The following MLLT1 variants were observed in gnomAD, a reference collection of about 807,000 sequenced individuals.
The protein encoded by MLLT1 is protein ENL.
A neutral mutation model predicts 55.1 loss-of-function variants in MLLT1; 11 were observed. That is an observed-to-expected ratio of 0.20 (90% CI 0.13 to 0.33). The LOEUF is 0.33. MLLT1 is among the 10% of genes least tolerant of loss of function. MLLT1 has a pLI of 1.00. For synonymous variants in MLLT1, 323 were observed against 320.1 expected (o/e 1.01, Z -0.10); for missense variants, 536 against 760.6 (o/e 0.70, Z 3.47).
chr19:6,230,879 C>T lies in MLLT1; in HGVS notation c.277-166G>A, dbSNP rs1362773693. 6.6e-6 allele frequency among the ~76,000 whole-genome samples: 1 copy of T among 152,156 alleles called. No homozygotes were observed. Among genetic ancestry groups the T allele is most frequent in the East Asian group, 1.9e-4 (1 of 5,184 alleles). On this transcript the variant is annotated intron_variant, in intron 3 of 11. Transcript: ENST00000252674. The surrounding 1 kb of genome is among the most constrained non-coding windows in gnomAD (Gnocchi z 9.0). ...GGGCACCTCCTGCCCTGCCCTTATT[C>T]AAAATCGACCAGCTTACTATGTGCA...
At chr19:6,221,742 G>A (rs960550576) in intron 6 of MLLT1, among the ~76,000 whole-genome samples, 21 of 152,206 alleles carry the variant, frequency 1.4e-4, no homozygotes, top group Non-Finnish European at 2.4e-4. Flanking sequence ...GGCTGACCAC[G>A]CCATGGTCAG....
chr19:6,225,382 C>T (rs2090945637), intron 5 of MLLT1, among the ~76,000 whole-genome samples: 1 of 152,198 alleles, frequency 6.6e-6, no homozygotes, highest in Non-Finnish European at 1.5e-5. Context: ...GAGCACATGG[C>T]CCGGCCACTC....
Position 6,213,060 on chromosome 19 carries a change from C to T in MLLT1, c.1662G>A (p.Leu554=). The change falls in exon 12 of 12, where the codon CTG becomes CTA. Residue 554 remains leucine, a synonymous_variant. Transcript: ENST00000252674. ...CCCAGGGTCATGTGGCCACGGCCTC[C>T]AGGCAGCTCTGCAGTTTGCGCACGG... ...ETTVRKLQSC[L]EAVAT 1 of 1,613,782 alleles carries T rather than the reference C, an allele frequency of 6.2e-7. No individual in the cohort carries two copies. The highest frequency in any genetic ancestry group is 8.5e-7 in the Non-Finnish European group (1 of 1,179,782).
chr19:6,214,116 C>T lies in MLLT1; in HGVS notation c.1308-78G>A, dbSNP rs1209118359. On this transcript the variant is annotated intron_variant, in intron 8 of 11. Coordinates refer to ENST00000252674, the MANE Select transcript of MLLT1 (RefSeq NM_005934.4). ...CCCCACCCCCAGGCTCAAGCCTCTG[C>T]CCCGCACGGAGTCGGTGCCTGAGCC... 64 of 918,614 alleles carry T rather than the reference C, an allele frequency of 7.0e-5. 1 individual carries two copies. The highest frequency in any genetic ancestry group is 5.6e-4 in the South Asian group (21 of 37,176). The allele number at this position is 918,614 out of a possible 1,614,324, so 56.9% of individuals were successfully genotyped here.
intron 6 of MLLT1, among the ~76,000 whole-genome samples, chr19:6,221,753 A>C (rs954383280): frequency 6.6e-6 from 1 of 152,224 alleles, no homozygotes; most frequent in Non-Finnish European, 1.5e-5. Context: ...CCATGGTCAG[A>C]GCAACCATGA....
chr19:6,213,672 T>TACCCC, intron 10 of MLLT1, 54 bp downstream of exon 10: 1 of 1,075,332 alleles, frequency 9.3e-7, no homozygotes, highest in Non-Finnish European at 1.4e-6. Context: ...TGGCTGCAAC[T>TACCCC]CCCACCACCC....
chr19:6,264,053 G>A (rs150650417), intron 2 of MLLT1, among the ~76,000 whole-genome samples: 1,823 of 152,236 alleles, frequency 0.012, 39 homozygotes, highest in Non-Finnish European at 0.014. Context: ...GGTCATGGCC[G>A]CACAACTATG....
intron 3 of MLLT1, among the ~76,000 whole-genome samples, chr19:6,237,968 G>A (rs2091079487): frequency 6.6e-6 from 1 of 152,128 alleles, no homozygotes; most frequent in Non-Finnish European, 1.5e-5. Flanking sequence ...TTAGCTGAGT[G>A]TAGTAGTGCA....
intron 2 of MLLT1, among the ~76,000 whole-genome samples, chr19:6,263,935 G>A (rs2091325695): frequency 6.6e-6 from 1 of 151,160 alleles, no homozygotes; most frequent in Non-Finnish European, 1.5e-5. Context: ...AAGGGAGCAC[G>A]GTGGGGGAGG....
intron 3 of MLLT1, among the ~76,000 whole-genome samples, chr19:6,252,264 C>T (rs1246405262): frequency 1.3e-5 from 2 of 152,224 alleles, no homozygotes; most frequent in Non-Finnish European, 2.9e-5. Context: ...CTGACAATTA[C>T]AGCAGGGTTT....
intron 6 of MLLT1, among the ~76,000 whole-genome samples, chr19:6,218,871 G>A (rs2090870444): frequency 6.6e-6 from 1 of 152,210 alleles, no homozygotes. Flanking sequence ...CAGAGGACAT[G>A]GCGGGCCCAG....
rs977045052 is a variant in MLLT1, at chr19:6,262,164, C to T, written c.276+64G>A. 14 of 1,312,458 alleles carry T rather than the reference C, an allele frequency of 1.1e-5. No homozygotes were observed. Among genetic ancestry groups the T allele is most frequent in the Middle Eastern group, 1.9e-4 (1 of 5,384 alleles). The allele number at this position is 1,312,458 out of a possible 1,614,324, so 81.3% of individuals were successfully genotyped here. A position where few individuals can be genotyped will look rare whatever the true frequency, so the allele number is the denominator to read the frequency against. ...TTCTCTGGCCTGTTTTGTGAACTGC[C>T]GTGGCACCCGGAGCAGGGGTCCCCA... On this transcript the variant is annotated intron_variant, in intron 3 of 11. Coordinates refer to ENST00000252674, the MANE Select transcript of MLLT1 (RefSeq NM_005934.4). This position sits in a 1 kb window ranked among gnomAD's most constrained non-coding sequence, Gnocchi z 4.4.
At chr19:6,269,914 C>T (rs1333431943) in intron 2 of MLLT1, among the ~76,000 whole-genome samples, 1 of 152,208 alleles carries the variant, frequency 6.6e-6, no homozygotes, top group East Asian at 1.9e-4. Flanking sequence ...GCGGCCCCAG[C>T]CCTGATGGCG....
At chr19:6,254,926 T>C (rs954760) in intron 3 of MLLT1, among the ~76,000 whole-genome samples, 2,659 of 150,742 alleles carry the variant, frequency 0.018, 36 homozygotes, top group Middle Eastern at 0.052. Context: ...GATGACATGA[T>C]TCCATATACA....
At chr19:6,274,234 A>G (rs1404649048) in intron 1 of MLLT1, among the ~76,000 whole-genome samples, 1 of 152,210 alleles carries the variant, frequency 6.6e-6, no homozygotes, top group Non-Finnish European at 1.5e-5. Context: ...CTGTTGTAGT[A>G]AAAAAGGAAT....
chr19:6,271,907 G>A (rs1263563951), intron 1 of MLLT1, among the ~76,000 whole-genome samples: 1 of 152,262 alleles, frequency 6.6e-6, no homozygotes, highest in Non-Finnish European at 1.5e-5. Context: ...GTGTGTCCCA[G>A]TGGCTGCAAT....
Position 6,270,723 on chromosome 19 carries a change from C to T in MLLT1, c.49G>A (p.Ala17Thr). The T allele has an allele frequency of 6.2e-7, 1 of 1,613,520 alleles. No homozygotes were observed. The highest frequency in any genetic ancestry group is 8.5e-7 in the Non-Finnish European group (1 of 1,179,634). ...GTGGTGGGCTTCTTGCGCAGTTGGG[C>T]GCGATGCCCCAGCTCTAACCTCACC... is the stretch of plus-strand genomic sequence containing the variant. ...VQVRLELGHRAQLRKKPTTEG... is the reference protein window; with the variant it reads ...VQVRLELGHRTQLRKKPTTEG... The change falls in exon 2 of 12, where the codon GCC (alanine) becomes ACC (threonine). Residue 17 changes from alanine to threonine, a missense_variant. Ala to Thr is a moderately conservative substitution (Grantham distance 58). Around this residue, in one of 3 missense-constraint regions of MLLT1, gnomAD observed 62 missense variants for 195.8 expected, o/e 0.32. Coordinates refer to ENST00000252674, the MANE Select transcript of MLLT1 (RefSeq NM_005934.4). This position sits in a 1 kb window ranked among gnomAD's most constrained non-coding sequence, Gnocchi z 7.1.
rs775811706 is a variant in MLLT1, at chr19:6,214,044, C to T, written c.1308-6G>A. The T allele has an allele frequency of 1.1e-5, 16 of 1,430,226 alleles. No individual in the cohort carries two copies. The highest frequency in any genetic ancestry group is 1.4e-5 in the Non-Finnish European group (15 of 1,092,590). The allele number at this position is 1,430,226 out of a possible 1,614,324, so 88.6% of individuals were successfully genotyped here. A position where few individuals can be genotyped will look rare whatever the true frequency, so the allele number is the denominator to read the frequency against. On this transcript the variant is annotated splice_polypyrimidine_tract_variant and splice_region_variant and intron_variant, in intron 8 of 11. Coordinates refer to ENST00000252674, the MANE Select transcript of MLLT1 (RefSeq NM_005934.4). Reference sequence around the variant, plus strand: ...CGCTGTCGCTGAAGCTCAACCTGAACCGACACACGGGGGCGCATCAGGCCC... The same window carrying T: ...CGCTGTCGCTGAAGCTCAACCTGAATCGACACACGGGGGCGCATCAGGCCC...
rs1220750212 is a variant in MLLT1 at position 6,227,443 on chromosome 19, C to T, written c.421-341G>A. On this transcript the variant is annotated intron_variant, in intron 4 of 11. Coordinates refer to ENST00000252674, the MANE Select transcript of MLLT1 (RefSeq NM_005934.4). The surrounding 1 kb of genome is among the most constrained non-coding windows in gnomAD (Gnocchi z 5.1). The stretch of plus-strand genomic sequence containing the variant: ...GAAGGCAGCTGCGGCCGAAGCCTGA[C>T]CTACGCGCTTAGGTTTAGGGGGAAC... 6.6e-6 allele frequency among the ~76,000 whole-genome samples: 1 copy of T among 152,210 alleles called. No individual in the cohort carries two copies. Among genetic ancestry groups the T allele is most frequent in the Admixed American group, 6.5e-5 (1 of 15,288 alleles).
Sources: allele counts gnomAD v4.1 joint callset (sites outside exome capture counted in the v4.1 genomes callset), GRCh38; gene constraint gnomAD v4.1.1; regional missense constraint gnomAD v4.1.1; non-coding constraint Gnocchi (gnomAD v3.1); transcripts MANE v1.5; gene names NCBI Gene and HGNC (gene_info 2026-07-23, HGNC 2026-07-21).